Variants in MICAL3 observed in about 807,000 individuals in gnomAD.
MICAL3 encodes the protein microtubule associated monooxygenase, calponin and LIM domain containing 3.
In MICAL3, 62 loss-of-function variants were observed where a neutral mutation model predicts 207.4. That is an observed-to-expected ratio of 0.30 (90% CI 0.24 to 0.37). The LOEUF (loss-of-function observed/expected upper bound fraction) is 0.37, where lower values mean the gene tolerates loss of function less well. Among genes scored for constraint, MICAL3 ranks in the 10% least tolerant of loss-of-function variants. The probability of loss-of-function intolerance (pLI) is 1.00; values close to 1 mark genes in which losing one functional copy is unlikely to be tolerated. For synonymous variants in MICAL3, 1,077 were observed against 1,069.3 expected, an observed-to-expected ratio of 1.01 and a Z score of -0.14; for missense variants, 2,368 against 2,635.6, an observed-to-expected ratio of 0.90 and a Z score of 2.22.
chr22:18,012,707 G>C (rs1310054071), intron 1 of MICAL3, among the ~76,000 whole-genome samples: 1 of 152,208 alleles, frequency 6.6e-6, no homozygotes, highest in Non-Finnish European at 1.5e-5. Flanking sequence ...CGCCTACGAA[G>C]AATGCTGAGC....
chr22:17,836,781 A>C (rs186077908), intron 20 of MICAL3, among the ~76,000 whole-genome samples: 1 of 151,772 alleles, frequency 6.6e-6, no homozygotes, highest in Non-Finnish European at 1.5e-5. Context: ...AGCAGCTGGG[A>C]CTACTCGGCC....
intron 1 of MICAL3, among the ~76,000 whole-genome samples, chr22:17,977,921 C>G (rs1276331987): frequency 6.6e-6 from 1 of 152,086 alleles, no homozygotes; most frequent in Admixed American, 6.6e-5. Flanking sequence ...ACTCGGGAGG[C>G]TGAGGCAGGA....
At chr22:17,998,788 C>T (rs1295194170) in intron 1 of MICAL3, among the ~76,000 whole-genome samples, 1 of 152,026 alleles carries the variant, frequency 6.6e-6, no homozygotes, top group East Asian at 1.9e-4. Flanking sequence ...CTCCTGACCT[C>T]GTGATCCGCC....
intron 16 of MICAL3, among the ~76,000 whole-genome samples, chr22:17,873,287 C>T (rs187769466): frequency 1.4e-3 from 210 of 152,354 alleles, no homozygotes; most frequent in South Asian, 8.1e-3. Context: ...CTGCCTTTCA[C>T]GGTCCAGGAG....
chr22:17,904,539 T>C, intron 3 of MICAL3, 93 bp downstream of exon 3: 1 of 951,674 alleles, frequency 1.1e-6, no homozygotes, highest in Non-Finnish European at 1.7e-6. Flanking sequence ...TTGGGTGGCA[T>C]ATGAATTCCT....
chr22:17,987,998 C>T (rs1352423135), intron 1 of MICAL3, among the ~76,000 whole-genome samples: 1 of 152,208 alleles, frequency 6.6e-6, no homozygotes, highest in African/African-American at 2.4e-5. Context: ...CAGGCTGCCC[C>T]AGTCACAGCA....
intron 27 of MICAL3, chr22:17,812,816 G>C (rs914001791): frequency 1.3e-5 from 2 of 152,172 alleles, no homozygotes; most frequent in African/African-American, 4.8e-5. Flanking sequence ...TTATTGGGAA[G>C]AAACAGCTTC....
Position 17,867,270 on chromosome 22 carries a change from C to T in MICAL3, c.2429-1258G>A, listed in dbSNP as rs149273374. 1.7e-3 allele frequency among the ~76,000 whole-genome samples: 266 copies of T among 152,290 alleles called. 2 individuals are homozygous for T. The highest frequency in any genetic ancestry group is 2.0e-3 in the Non-Finnish European group (139 of 68,028). On this transcript the variant is annotated intron_variant, in intron 17 of 31. Transcript: ENST00000441493. Reference sequence around the variant, plus strand: ...GTTTCACTGGCCACTGGCACTTGGCCAGGATGCAGAGACTCTACAGTGGCA... The same window carrying T: ...GTTTCACTGGCCACTGGCACTTGGCTAGGATGCAGAGACTCTACAGTGGCA...
chr22:17,906,535 G>A lies in MICAL3; in HGVS notation c.264+14C>T, dbSNP rs1931735585. On this transcript the variant is annotated intron_variant, in intron 2 of 31. Coordinates refer to ENST00000441493, the MANE Select transcript of MICAL3 (RefSeq NM_015241.3). ...TCGTCAGTGACCCCAGGGCCCAACA[G>A]GAGCAAAGCTTACCTTGGTGTTAGT... 6.2e-7 allele frequency: 1 copy of A among 1,612,072 alleles called. No individual in the cohort carries two copies. Among genetic ancestry groups the A allele is most frequent in the Admixed American group, 1.7e-5 (1 of 59,960 alleles).
chr22:17,847,354 A>T (rs762059140), intron 19 of MICAL3, among the ~76,000 whole-genome samples: 21 of 152,238 alleles, frequency 1.4e-4, no homozygotes, highest in Non-Finnish European at 2.6e-4. Context: ...GGACTGAAAG[A>T]AAGGTGCTGT....
intron 27 of MICAL3, 162 bp from the exon 28 acceptor site, chr22:17,810,975 A>G: frequency 5.0e-6 from 3 of 594,134 alleles, no homozygotes; most frequent in Non-Finnish European, 9.1e-6. Flanking sequence ...TGCTAGCAGG[A>G]CGGGGGTGCT....
intron 1 of MICAL3, among the ~76,000 whole-genome samples, chr22:18,003,623 C>A (rs983178489): frequency 3.3e-5 from 5 of 152,192 alleles, no homozygotes; most frequent in African/African-American, 9.6e-5. Flanking sequence ...TGTTTTAGAG[C>A]TTTACACCAG....
chr22:17,932,691 TAG>T (rs890003404), intron 1 of MICAL3, among the ~76,000 whole-genome samples: 1 of 149,530 alleles, frequency 6.7e-6, no homozygotes, highest in Non-Finnish European at 1.5e-5. Context: ...GCAAATTGAA[TAG>T]AGTCAAGACC....
At chr22:17,886,306 G>A (rs1929863440) in intron 15 of MICAL3, among the ~76,000 whole-genome samples, 1 of 152,226 alleles carries the variant, frequency 6.6e-6, no homozygotes, top group African/African-American at 2.4e-5. Context: ...AGACAAGGAG[G>A]CCCTGGTGCA....
intron 22 of MICAL3, among the ~76,000 whole-genome samples, chr22:17,825,519 G>A (rs1211310437): frequency 1.3e-5 from 2 of 152,162 alleles, no homozygotes; most frequent in African/African-American, 4.8e-5. Flanking sequence ...AGAGGAGCCA[G>A]CCGTCTCTGC....
chr22:17,981,040 G>C (rs1935886387), intron 1 of MICAL3: 1 of 390,196 alleles, frequency 2.6e-6, no homozygotes, highest in Non-Finnish European at 5.7e-6. Flanking sequence ...GTACTGTGCT[G>C]GCAAATGCTT....
At chr22:17,954,313 C>G (rs1934508115) in intron 1 of MICAL3, among the ~76,000 whole-genome samples, 1 of 152,166 alleles carries the variant, frequency 6.6e-6, no homozygotes. Flanking sequence ...CAACTCCTAA[C>G]ACTGCATGGA....
At chr22:17,826,491 G>A (rs1355271196) in intron 22 of MICAL3, 8 of 985,842 alleles carry the variant, frequency 8.1e-6, no homozygotes, top group East Asian at 2.3e-4. Flanking sequence ...GCACCGCCGC[G>A]TGGCGTATGG....
chr22:17,887,697 C>T (rs1380168245), intron 13 of MICAL3, among the ~76,000 whole-genome samples: 1 of 152,222 alleles, frequency 6.6e-6, no homozygotes, highest in East Asian at 1.9e-4. Context: ...CCAAAACCCG[C>T]ACTTTTGCTT....
Sources: allele counts gnomAD v4.1 joint callset (sites outside exome capture counted in the v4.1 genomes callset), GRCh38; gene constraint gnomAD v4.1.1; transcripts MANE v1.5; gene names NCBI Gene and HGNC (gene_info 2026-07-23, HGNC 2026-07-21).